Variants in C8orf34 observed in about 807,000 individuals in gnomAD.
The protein encoded by C8orf34 is uncharacterized protein C8orf34.
C8orf34 carries 65 observed loss-of-function variants against 68.3 expected under a neutral mutation model. That is an observed-to-expected ratio of 0.95 (90% CI 0.78 to 1.17). The LOEUF is 1.17. Among genes scored for constraint, C8orf34 ranks in the 50% most tolerant of loss-of-function variants. The pLI, the probability that C8orf34 is intolerant of heterozygous loss-of-function variation, is 0.00. For synonymous variants in C8orf34, 244 were observed against 241.2 expected, an observed-to-expected ratio of 1.01 and a Z score of -0.11; for missense variants, 664 against 655.4, an observed-to-expected ratio of 1.01 and a Z score of -0.14.
At chr8:68,738,630 A>G (rs545067584) in intron 10 of C8orf34, among the ~76,000 whole-genome samples, 1 of 152,286 alleles carries the variant, frequency 6.6e-6, no homozygotes, top group African/African-American at 2.4e-5. Flanking sequence ...AGAAATACAA[A>G]TAACCATCAG....
intron 7 of C8orf34, among the ~76,000 whole-genome samples, chr8:68,598,689 A>G (rs1336660042): frequency 6.6e-6 from 1 of 152,214 alleles, no homozygotes; most frequent in Non-Finnish European, 1.5e-5. Context: ...AGACATGAGA[A>G]GAGATTCTAA....
rs530253008 is a variant in C8orf34 at position 68,337,132 on chromosome 8, G to A, written c.327+5793G>A. Among the ~76,000 whole-genome samples, 12 of 152,132 alleles carry A rather than the reference G, an allele frequency of 7.9e-5. No individual in the cohort carries two copies. In the South Asian group the frequency reaches 2.5e-3, roughly 32 times the overall value. On this transcript the variant is annotated intron_variant, in intron 1 of 13. Transcript: ENST00000518698. ...ACATTAATCAGTACTAAAATTAATG[G>A]GTAAAAGTTGGATAAACAATAAGAT...
intron 8 of C8orf34, among the ~76,000 whole-genome samples, chr8:68,664,768 G>C (rs1288281626): frequency 6.6e-6 from 1 of 152,132 alleles, no homozygotes; most frequent in South Asian, 2.1e-4. Context: ...CAGCAAGTCT[G>C]GCTGCATTCA....
At chr8:68,699,215 T>C (rs975629180) in intron 8 of C8orf34, among the ~76,000 whole-genome samples, 2 of 151,648 alleles carry the variant, frequency 1.3e-5, no homozygotes, top group Non-Finnish European at 2.9e-5. Context: ...ACTGCTTATG[T>C]CCATTTAGAT....
chr8:68,445,898 T>G (rs1811100580), intron 2 of C8orf34, among the ~76,000 whole-genome samples: 2 of 152,168 alleles, frequency 1.3e-5, no homozygotes, highest in Non-Finnish European at 2.9e-5. Context: ...CAAGTAATTC[T>G]CCTGTCTCAG....
At chr8:68,562,383 CTCTAAG>C (rs1240355390) in intron 7 of C8orf34, among the ~76,000 whole-genome samples, 3 of 152,296 alleles carry the variant, frequency 2.0e-5, no homozygotes, top group African/African-American at 2.4e-5. Flanking sequence ...TTTAGCTGCT[CTCTAAG>C]TCTAAGAAGG....
rs1817946452 is a variant in C8orf34 at position 68,609,392 on chromosome 8, A to G, written c.1106-30984A>G. The stretch of plus-strand genomic sequence containing the variant: ...GGTAATGAAAATGATCTTCCAGGAG[A>G]GAACAGAGAATAAGAAAACTAAGAA... On this transcript the variant is annotated intron_variant, in intron 7 of 13. Coordinates refer to ENST00000518698, the MANE Select transcript of C8orf34 (RefSeq NM_052958.4). 3.3e-5 allele frequency among the ~76,000 whole-genome samples: 5 copies of G among 152,244 alleles called. No homozygotes were observed. In the South Asian group the frequency reaches 1.0e-3, roughly 32 times the overall value.
intron 10 of C8orf34, among the ~76,000 whole-genome samples, chr8:68,766,063 A>G (rs1340284608): frequency 6.6e-6 from 1 of 152,354 alleles, no homozygotes; most frequent in Non-Finnish European, 1.5e-5. Flanking sequence ...ACACGTAATT[A>G]CTTGTGTCCA....
At chr8:68,576,794 T>C (rs1816917912) in intron 7 of C8orf34, among the ~76,000 whole-genome samples, 1 of 151,972 alleles carries the variant, frequency 6.6e-6, no homozygotes, top group African/African-American at 2.4e-5. Context: ...TAACTTTTTC[T>C]TTCCACATTT....
At chr8:68,451,283 C>T (rs139808691) in intron 3 of C8orf34, among the ~76,000 whole-genome samples, 9 of 152,232 alleles carry the variant, frequency 5.9e-5, no homozygotes, top group African/African-American at 9.6e-5. Flanking sequence ...TTCTCCATAT[C>T]AGCAATAAGC....
intron 7 of C8orf34, among the ~76,000 whole-genome samples, chr8:68,586,815 G>T (rs1307837940): frequency 6.6e-6 from 1 of 152,032 alleles, no homozygotes; most frequent in Admixed American, 6.6e-5. Flanking sequence ...ATAGGAACAT[G>T]CCACCTAGAT....
chr8:68,462,226 A>C (rs1811869834), intron 3 of C8orf34, among the ~76,000 whole-genome samples: 1 of 152,168 alleles, frequency 6.6e-6, no homozygotes, highest in South Asian at 2.1e-4. Flanking sequence ...GGATCAATTC[A>C]ACAAGAAGAG....
At chr8:68,662,117 G>A (rs1425744266) in intron 8 of C8orf34, among the ~76,000 whole-genome samples, 2 of 152,144 alleles carry the variant, frequency 1.3e-5, no homozygotes, top group Non-Finnish European at 2.9e-5. Context: ...TAGGGCTTGG[G>A]GCTTTGGCGG....
chr8:68,752,356 C>T (rs184652911), intron 10 of C8orf34, among the ~76,000 whole-genome samples: 106 of 152,280 alleles, frequency 7.0e-4, no homozygotes, highest in Non-Finnish European at 1.3e-3. Context: ...GTTCATTGCT[C>T]ATCCTGTGGG....
At chr8:68,496,126 TAAG>T (rs761919240) in intron 5 of C8orf34, among the ~76,000 whole-genome samples, 1 of 152,166 alleles carries the variant, frequency 6.6e-6, no homozygotes. Flanking sequence ...TTTTTCCTCT[TAAG>T]AAATAGACTT....
chr8:68,787,450 C>T lies in C8orf34; in HGVS notation c.1463C>T (p.Ser488Phe), dbSNP rs867519093. ...SLKNYMEEDE[S>F]LKQLQVVHQP... Reference sequence around the variant, plus strand: ...AAATGTGTTCTTTTGCAGGATGAATCCTTAAAGCAATTGCAGGTAGTTCAT... The same window carrying T: ...AAATGTGTTCTTTTGCAGGATGAATTCTTAAAGCAATTGCAGGTAGTTCAT... The change falls in exon 12 of 14, where the codon TCC becomes TTC. Residue 488 changes from serine (S) to phenylalanine (F), a missense_variant. By Grantham distance (155) the Ser-to-Phe change is radical. Coordinates refer to ENST00000518698, the MANE Select transcript of C8orf34 (RefSeq NM_052958.4). 1 of 1,609,212 alleles carries T rather than the reference C, an allele frequency of 6.2e-7. No homozygotes were observed. The highest frequency in any genetic ancestry group is 8.5e-7 in the Non-Finnish European group (1 of 1,176,888).
At chr8:68,567,053 G>A (rs1816611586) in intron 7 of C8orf34, among the ~76,000 whole-genome samples, 1 of 152,074 alleles carries the variant, frequency 6.6e-6, no homozygotes, top group Non-Finnish European at 1.5e-5. Context: ...AATGATTTTA[G>A]CATCTATGTT....
chr8:68,335,079 C>T (rs1475228707), intron 1 of C8orf34, among the ~76,000 whole-genome samples: 1 of 152,038 alleles, frequency 6.6e-6, no homozygotes, highest in East Asian at 1.9e-4. Context: ...TCGTTGTTCC[C>T]CCTCTCATAA....
chr8:68,787,720 T>C lies in C8orf34; in HGVS notation c.1549+184T>C, dbSNP rs1355214028. 1.6e-5 allele frequency: 7 copies of C among 442,980 alleles called. No individual in the cohort carries two copies. The South Asian group carries it at 1.9e-4, about 12-fold the overall frequency. 27.4% of individuals were successfully genotyped at this position (442,980 alleles called of 1,614,324 possible). A position where few individuals can be genotyped will look rare whatever the true frequency, so the allele number is the denominator to read the frequency against. ...ATGTCTTCATTCAGTAACATCTTAATTATGGTACAGAGACTCATAGACTAA... is the reference window on the plus strand; with the variant it reads ...ATGTCTTCATTCAGTAACATCTTAACTATGGTACAGAGACTCATAGACTAA... On this transcript the variant is annotated intron_variant, in intron 12 of 13. Transcript: ENST00000518698.
Sources: gnomAD v4.1 joint callset for allele counts (sites outside exome capture counted in the v4.1 genomes callset) on GRCh38, gnomAD v4.1.1 for gene constraint, MANE v1.5 for transcripts, NCBI Gene and HGNC (gene_info 2026-07-23, HGNC 2026-07-21) for gene names.